The following RYR3 variants were observed in gnomAD, a reference collection of about 807,000 sequenced individuals.
RYR3 encodes the protein brain ryanodine receptor-calcium release channel.
Under a neutral mutation model 584.3 loss-of-function variants are expected in RYR3, and 207 were observed. That is an observed-to-expected ratio of 0.35 (90% CI 0.32 to 0.40). RYR3 has a LOEUF of 0.40. RYR3 is among the 10% of genes least tolerant of loss of function. The pLI is 1.00. For missense variants in RYR3, 5,616 were observed against 6,089.2 expected (o/e 0.92, Z 2.59); for synonymous variants, 2,416 against 2,248.5 (o/e 1.07, Z -2.11).
intron 40 of RYR3, 68 bp downstream of exon 40, chr15:33,698,064 G>C: frequency 9.5e-7 from 1 of 1,048,100 alleles, no homozygotes; most frequent in East Asian, 2.4e-5. Context: ...GACTTGTTCA[G>C]AGCCACGTGG....
chr15:33,330,763 T>A (rs1257952082), intron 1 of RYR3, among the ~76,000 whole-genome samples: 1 of 152,174 alleles, frequency 6.6e-6, no homozygotes, highest in African/African-American at 2.4e-5. Context: ...TCAGAGGTAC[T>A]CTAGTCCCAG....
intron 11 of RYR3, among the ~76,000 whole-genome samples, chr15:33,564,778 G>T (rs117871801): frequency 0.022 from 3,422 of 152,254 alleles, 53 homozygotes; most frequent in Non-Finnish European, 0.036. Flanking sequence ...ACCATAGCCC[G>T]CAGATTCATT....
intron 1 of RYR3, among the ~76,000 whole-genome samples, chr15:33,357,773 A>G (rs1263474309): frequency 2.0e-5 from 3 of 152,164 alleles, no homozygotes; most frequent in African/African-American, 7.2e-5. Context: ...GACATTATTG[A>G]CTATTTTAAA....
chr15:33,580,205 A>T, intron 13 of RYR3, 61 bp downstream of exon 13: 1 of 1,304,714 alleles, frequency 7.7e-7, no homozygotes, highest in Admixed American at 2.2e-5. Context: ...TATCCCTGTG[A>T]CTACAACTTA....
At chr15:33,715,458 C>G (rs115828631) in intron 43 of RYR3, among the ~76,000 whole-genome samples, 195 of 152,270 alleles carry the variant, frequency 1.3e-3, no homozygotes, top group African/African-American at 4.4e-3. Flanking sequence ...TACAATCATG[C>G]TAGAGTGATA....
chr15:33,778,197 A>T (rs569963608), intron 64 of RYR3, among the ~76,000 whole-genome samples: 1 of 151,750 alleles, frequency 6.6e-6, no homozygotes, highest in South Asian at 2.1e-4. Flanking sequence ...AAATAAATAA[A>T]GCTATCAGAT....
intron 1 of RYR3, among the ~76,000 whole-genome samples, chr15:33,379,010 A>G (rs1595901498): frequency 6.6e-6 from 1 of 152,182 alleles, no homozygotes; most frequent in Non-Finnish European, 1.5e-5. Flanking sequence ...TCCAAGTGAA[A>G]ATCTTATCTA....
At chr15:33,644,756 C>T (rs983243297) in intron 28 of RYR3, among the ~76,000 whole-genome samples, 2 of 152,200 alleles carry the variant, frequency 1.3e-5, no homozygotes, top group Admixed American at 6.5e-5. Context: ...CAACTCTCAA[C>T]ATTTTGGGCC....
In RYR3 at chr15:33,646,533, G is replaced by T. The variant is rs772570405; in HGVS notation, c.3941+7G>T. 2 of 1,604,106 alleles carry T rather than the reference G, an allele frequency of 1.2e-6. No individual in the cohort carries two copies. Among genetic ancestry groups the T allele is most frequent in the Non-Finnish European group, 1.7e-6 (2 of 1,173,318 alleles). The stretch of plus-strand genomic sequence containing the variant: ...GTGAAGCTTTCCAGAAAAGGTGAGG[G>T]TGAGGCCTCCAGTTCTCAGAGGCAC... On this transcript the variant is annotated splice_region_variant and intron_variant, in intron 29 of 103. Transcript: ENST00000634891.
Position 33,660,290 on chromosome 15 carries a change from C to T in RYR3, c.4489C>T (p.Pro1497Ser). Reference protein sequence around the residue: ...PPRLDVQTIQPVLWSRMPNSF... With the variant: ...PPRLDVQTIQSVLWSRMPNSF... ...TCGGCTGGACGTCCAAACCATCCAG[C>T]CCGTGCTCTGGAGCCGCATGCCCAA... The change falls in exon 34 of 104, where the codon CCC becomes TCC. Residue 1497 changes from proline to serine, a missense_variant. Pro to Ser is a moderately conservative substitution (Grantham distance 74, BLOSUM62 -1). Transcript: ENST00000634891. 6.4e-7 allele frequency: 1 copy of T among 1,566,448 alleles called. No individual in the cohort carries two copies. Among genetic ancestry groups the T allele is most frequent in the Non-Finnish European group, 8.7e-7 (1 of 1,155,714 alleles).
chr15:33,377,805 C>T (rs2040862518), intron 1 of RYR3, among the ~76,000 whole-genome samples: 1 of 151,730 alleles, frequency 6.6e-6, no homozygotes. Context: ...TTTTTTTCCC[C>T]CCTTTGGATA....
chr15:33,593,522 G>A (rs2059234626), intron 16 of RYR3, among the ~76,000 whole-genome samples: 1 of 152,146 alleles, frequency 6.6e-6, no homozygotes, highest in Non-Finnish European at 1.5e-5. Context: ...TACATTAGTA[G>A]GCAGGTATGA....
At chr15:33,513,992 A>G (rs1010349875) in intron 3 of RYR3, among the ~76,000 whole-genome samples, 1 of 152,230 alleles carries the variant, frequency 6.6e-6, no homozygotes, top group Non-Finnish European at 1.5e-5. Flanking sequence ...TCTTGCCTAC[A>G]GCTCACGCAT....
intron 43 of RYR3, among the ~76,000 whole-genome samples, chr15:33,710,533 A>G (rs1366093827): frequency 4.0e-5 from 6 of 151,774 alleles, no homozygotes; most frequent in Admixed American, 6.6e-5. Context: ...GTGGCTCCCC[A>G]CAGCTCCACT....
Position 33,638,523 on chromosome 15 carries a change from T to C in RYR3, c.3556+1973T>C, listed in dbSNP as rs553625831. ...ATATGTTGTGCAGAGTTACAAGAAC[T>C]TTGTAAAGTCCAAAGCCTTAATACT... On this transcript the variant is annotated intron_variant, in intron 27 of 103. Transcript: ENST00000634891. 1.0e-3 allele frequency among the ~76,000 whole-genome samples: 155 copies of C among 152,322 alleles called. 1 individual carries two copies. The highest frequency in any genetic ancestry group is 3.7e-3 in the African/African-American group (152 of 41,578).
At chr15:33,722,518 T>G (rs1596312031) in intron 43 of RYR3, 197 bp from the exon 44 acceptor site, 1 of 590,044 alleles carries the variant, frequency 1.7e-6, no homozygotes, top group Admixed American at 3.3e-5. Context: ...GTGAGTGGGG[T>G]TTATAACTAA....
intron 49 of RYR3, among the ~76,000 whole-genome samples, chr15:33,738,244 C>T (rs566547739): frequency 2.6e-5 from 4 of 152,238 alleles, no homozygotes; most frequent in South Asian, 4.1e-4. Flanking sequence ...CAGGCAGATC[C>T]GCTCAGGCTC....
At chr15:33,535,609 A>T (rs1480624178) in intron 5 of RYR3, among the ~76,000 whole-genome samples, 1 of 152,256 alleles carries the variant, frequency 6.6e-6, no homozygotes, top group African/African-American at 2.4e-5. Context: ...TGATCAGAAA[A>T]GTCAAATATG....
chr15:33,470,509 G>T (rs960013030), intron 1 of RYR3, among the ~76,000 whole-genome samples: 1 of 152,102 alleles, frequency 6.6e-6, no homozygotes, highest in South Asian at 2.1e-4. Flanking sequence ...GGAAATAATG[G>T]AGATGAGAGC....
Sources: allele counts gnomAD v4.1 joint callset (sites outside exome capture counted in the v4.1 genomes callset), GRCh38; gene constraint gnomAD v4.1.1; transcripts MANE v1.5; gene names NCBI Gene and HGNC (gene_info 2026-07-23, HGNC 2026-07-21).